VPS13A: variants seen among roughly 807,000 people sequenced by gnomAD.
VPS13A encodes the protein vacuolar protein sorting 13 homolog A.
VPS13A carries 264 observed loss-of-function variants against 390.9 expected under a neutral mutation model. That is an observed-to-expected ratio of 0.68 (90% confidence interval 0.61 to 0.75). The LOEUF (loss-of-function observed/expected upper bound fraction) is 0.75. VPS13A is among the 30% of genes least tolerant of loss of function. The pLI, the probability that VPS13A is intolerant of heterozygous loss-of-function variation, is 0.00. For missense variants in VPS13A, 3,409 were observed against 3,733.9 expected (o/e 0.91, Z 2.27); for synonymous variants, 1,231 against 1,227.1 (o/e 1.00, Z -0.07).
chr9:77,323,350 T>C, intron 45 of VPS13A, 123 bp downstream of exon 45: 3 of 1,223,054 alleles, frequency 2.5e-6, no homozygotes, highest in Non-Finnish European at 3.5e-6. Context: ...ACAGCTGATA[T>C]CAAAAAGAAG....
At chr9:77,312,700 C>T (rs1173025922) in intron 35 of VPS13A, among the ~76,000 whole-genome samples, 1 of 152,142 alleles carries the variant, frequency 6.6e-6, no homozygotes, top group Non-Finnish European at 1.5e-5. Flanking sequence ...CAGGTGTGAG[C>T]CACCATGCCC....
At chr9:77,282,457 G>A (rs900239190) in intron 29 of VPS13A, among the ~76,000 whole-genome samples, 183 bp downstream of exon 29, 2 of 152,014 alleles carry the variant, frequency 1.3e-5, no homozygotes, top group African/African-American at 4.8e-5. Flanking sequence ...AACTACTGGC[G>A]AAGAAAATGT....
chr9:77,380,642 A>G (rs1365467913), intron 67 of VPS13A, among the ~76,000 whole-genome samples: 2 of 152,176 alleles, frequency 1.3e-5, no homozygotes, highest in Non-Finnish European at 2.9e-5. Context: ...ATTTATTCAT[A>G]TGTATATGCC....
chr9:77,297,453 A>T (rs1828079881), intron 33 of VPS13A, among the ~76,000 whole-genome samples: 1 of 152,038 alleles, frequency 6.6e-6, no homozygotes, highest in Non-Finnish European at 1.5e-5. Context: ...ATGGTAAAAC[A>T]ATAGTAAACT....
At chr9:77,241,576 T>C (rs541355848) in intron 19 of VPS13A, among the ~76,000 whole-genome samples, 28 of 152,306 alleles carry the variant, frequency 1.8e-4, no homozygotes, top group African/African-American at 6.7e-4. Flanking sequence ...TTTTTGTTGG[T>C]ACTTACTTAT....
intron 1 of VPS13A, among the ~76,000 whole-genome samples, chr9:77,180,026 G>C (rs1823912119): frequency 6.6e-6 from 1 of 152,124 alleles, no homozygotes; most frequent in Admixed American, 6.5e-5. Flanking sequence ...CATGTTGAAG[G>C]ATGTATGACT....
Position 77,337,262 on chromosome 9 carries a change from A to G in VPS13A, c.6103A>G (p.Ile2035Val), listed in dbSNP as rs1393755063. 1 of 1,611,484 alleles carries G rather than the reference A, an allele frequency of 6.2e-7. No homozygotes were observed. Among genetic ancestry groups the G allele is most frequent in the South Asian group, 1.1e-5 (1 of 90,908 alleles). ...NIPLGSYRSFIFLKPEDENYQ... is the reference protein window; with the variant it reads ...NIPLGSYRSFVFLKPEDENYQ... ...TCATTTAATCTCATGCAGATCATTC[A>G]TTTTTCTGAAGCCAGAAGATGAGAA... is the stretch of plus-strand genomic sequence containing the variant. The change falls in exon 47 of 72, where the codon ATT becomes GTT. Residue 2035 changes from isoleucine (I) to valine (V), a missense_variant. This residue lies in a region of VPS13A where 2,717 missense variants were observed against 2,917.4 expected (regional missense o/e 0.93). Coordinates refer to ENST00000360280, the MANE Select transcript of VPS13A (RefSeq NM_033305.3).
Position 77,376,079 on chromosome 9 carries a change from G to T in VPS13A, c.9077+4930G>T, listed in dbSNP as rs868362198. Among the ~76,000 whole-genome samples, 3 of 152,206 alleles carry T rather than the reference G, an allele frequency of 2.0e-5. 1 individual carries two copies. The South Asian group carries it at 6.2e-4, about 32-fold the overall frequency. On this transcript the variant is annotated intron_variant, in intron 67 of 71. Coordinates refer to ENST00000360280, the MANE Select transcript of VPS13A (RefSeq NM_033305.3). ...GCTTAACTCATAAGATTATATTTGA[G>T]GAGAGACCTGAAAGAAGTAAAGGGT...
At position 77,317,599 on chromosome 9, in the gene VPS13A, C is replaced by T. The variant is rs759849795; in HGVS notation, c.4864-7C>T. On this transcript the variant is annotated splice_region_variant and splice_polypyrimidine_tract_variant and intron_variant, in intron 39 of 71. Transcript: ENST00000360280. ...TTAATTTAGTGGTATTGATTTTTCT[C>T]TCATAGGTTTTGCAGCCCTGTGACT... is the stretch of plus-strand genomic sequence containing the variant. 1 of 1,592,888 alleles carries T rather than the reference C, an allele frequency of 6.3e-7. No homozygotes were observed. The highest frequency in any genetic ancestry group is 1.1e-5 in the South Asian group (1 of 87,422).
chr9:77,305,147 C>G (rs760206664), intron 34 of VPS13A, among the ~76,000 whole-genome samples: 3 of 152,040 alleles, frequency 2.0e-5, no homozygotes, highest in African/African-American at 7.2e-5. Flanking sequence ...ACCGTGTTAG[C>G]CAGGATGGTC....
chr9:77,315,803 A>C (rs1009978974), intron 38 of VPS13A, among the ~76,000 whole-genome samples: 1 of 152,130 alleles, frequency 6.6e-6, no homozygotes, highest in Admixed American at 6.5e-5. Context: ...CACAATTAAG[A>C]TAATATTTCA....
At position 77,280,096 on chromosome 9, in the gene VPS13A, T is replaced by G. The variant is rs17423029; in HGVS notation, c.2825-63T>G. The stretch of plus-strand genomic sequence containing the variant: ...TTTGCAATTACATAATTAATAAGAT[T>G]GCTTGCATTTATTTTCAGTTACCTT... On this transcript the variant is annotated intron_variant, in intron 26 of 71. Transcript: ENST00000360280. The G allele has an allele frequency of 0.091, 113,706 of 1,256,020 alleles. 5,577 individuals carry two copies. Among genetic ancestry groups the G allele is most frequent in the East Asian group, 0.15 (6,064 of 39,218 alleles). The allele number at this position is 1,256,020 out of a possible 1,614,324, so 77.8% of individuals were successfully genotyped here. A position where few individuals can be genotyped will look rare whatever the true frequency, so the allele number is the denominator to read the frequency against.
At chr9:77,215,021 C>G (rs1455858461) in intron 10 of VPS13A, among the ~76,000 whole-genome samples, 1 of 152,150 alleles carries the variant, frequency 6.6e-6, no homozygotes, top group Non-Finnish European at 1.5e-5. Flanking sequence ...CCGCCTCGGC[C>G]TTCCAAAATG....
intron 70 of VPS13A, among the ~76,000 whole-genome samples, chr9:77,406,748 A>G (rs1834630508): frequency 6.6e-6 from 1 of 151,572 alleles, no homozygotes; most frequent in African/African-American, 2.4e-5. Context: ...AGAAGAAAGA[A>G]TGTAATTCTT....
At chr9:77,300,087 A>T (rs1341116893) in intron 33 of VPS13A, among the ~76,000 whole-genome samples, 1 of 152,012 alleles carries the variant, frequency 6.6e-6, no homozygotes, top group Non-Finnish European at 1.5e-5. Flanking sequence ...GAACTAGTAT[A>T]AAAAAAATTA....
rs766492538 is a variant in VPS13A at position 77,293,352 on chromosome 9, C to T, written c.3351C>T (p.Ile1117=). 1.2e-6 allele frequency: 2 copies of T among 1,611,656 alleles called. No homozygotes were observed. The highest frequency in any genetic ancestry group is 1.1e-5 in the South Asian group (1 of 90,782). ...ITAIYKKAVY[I]TGKEVFSFKM... ...TTTCTCTTATTAAGGCTGTTTATAT[C>T]ACTGGAAAAGAAGTTTTCAGCTTCA... The change falls in exon 32 of 72, where the codon ATC becomes ATT. Residue 1117 remains isoleucine, a synonymous_variant. Transcript: ENST00000360280.
At chr9:77,370,960 GTCTT>G (rs1832714464) in intron 66 of VPS13A, 25 bp downstream of exon 66, 3 of 1,613,994 alleles carry the variant, frequency 1.9e-6, no homozygotes, top group Non-Finnish European at 2.5e-6. Flanking sequence ...TCCTTTGCAA[GTCTT>G]TCTAAGTTGA....
chr9:77,195,582 C>T (rs922825070), intron 1 of VPS13A, among the ~76,000 whole-genome samples: 1 of 151,936 alleles, frequency 6.6e-6, no homozygotes, highest in Non-Finnish European at 1.5e-5. Flanking sequence ...ACTAAAAATA[C>T]AAAAATTAGC....
intron 34 of VPS13A, among the ~76,000 whole-genome samples, chr9:77,306,918 T>TA (rs1249721411): frequency 1.3e-5 from 2 of 151,060 alleles, no homozygotes; most frequent in Non-Finnish European, 3.0e-5. Flanking sequence ...TTATTTTTTT[T>TA]TTTTTTTTTT....
Sources: allele counts gnomAD v4.1 joint callset (sites outside exome capture counted in the v4.1 genomes callset), GRCh38; gene constraint gnomAD v4.1.1; regional missense constraint gnomAD v4.1.1; transcripts MANE v1.5; gene names NCBI Gene and HGNC (gene_info 2026-07-23, HGNC 2026-07-21).